Variants in PRKAR1A observed in about 807,000 individuals in gnomAD.
PRKAR1A encodes the protein cAMP-dependent protein kinase type I-alpha regulatory subunit.
A neutral mutation model predicts 52.0 loss-of-function variants in PRKAR1A; 3 were observed. That is an observed-to-expected ratio of 0.06 (90% confidence interval 0.03 to 0.15). The LOEUF is 0.15. PRKAR1A is among the 10% of genes least tolerant of loss of function. PRKAR1A has a pLI of 1.00. For missense variants in PRKAR1A, 240 were observed against 477.4 expected, an observed-to-expected ratio of 0.50 and a Z score of 4.63; for synonymous variants, 188 against 168.4, an observed-to-expected ratio of 1.12 and a Z score of -0.90.
chr17:68,454,856 A>G, the PRKAR1A span, among the ~76,000 whole-genome samples: 1 of 152,198 alleles, frequency 6.6e-6, no homozygotes, highest in African/African-American at 2.4e-5. Context: ...CTGCTCCTGG[A>G]CCAGAAGAAT....
chr17:68,487,035 G>A, the PRKAR1A span, among the ~76,000 whole-genome samples: 146 of 152,064 alleles, frequency 9.6e-4, no homozygotes, highest in Middle Eastern at 3.4e-3. Context: ...CACCGCACCC[G>A]GCTAATTTTT....
At chr17:68,539,871 G>T (rs370751691) in intron 11 of PRKAR1A, 2 of 1,613,008 alleles carry the variant, frequency 1.2e-6, no homozygotes, top group Admixed American at 1.7e-5. Flanking sequence ...TTGAACACAC[G>T]TGGGGAAGCT....
the PRKAR1A span, chr17:68,426,253 G>GGGGCCCCCCCCC: frequency 1.2e-6 from 1 of 841,016 alleles, no homozygotes; most frequent in Non-Finnish European, 1.9e-6. Context: ...GGGGAGCGGG[G>GGGGCCCCCCCCC]GCTCAAATAA....
At chr17:68,539,801 G>A in intron 11 of PRKAR1A, 2 of 1,317,298 alleles carry the variant, frequency 1.5e-6, no homozygotes, top group South Asian at 1.2e-5. Flanking sequence ...TCATTTGCAG[G>A]GCGTCTGTTT....
chr17:68,515,822 A>G (rs2085414680), intron 2 of PRKAR1A: 1 of 510,472 alleles, frequency 2.0e-6, no homozygotes, highest in Non-Finnish European at 3.5e-6. Context: ...TTTCCAAACA[A>G]TTCTTTGTAA....
the PRKAR1A span, among the ~76,000 whole-genome samples, chr17:68,431,104 G>A: frequency 1.3e-5 from 2 of 152,174 alleles, no homozygotes; most frequent in East Asian, 3.8e-4. Flanking sequence ...CCGGGCTGGG[G>A]TTTACAAAGA....
chr17:68,531,401 G>C lies in PRKAR1A; in HGVS notation c.*952G>C. 9.4e-7 allele frequency: 1 copy of C among 1,065,860 alleles called. No homozygotes were observed. Among genetic ancestry groups the C allele is most frequent in the South Asian group, 4.6e-5 (1 of 21,974 alleles). 66.0% of individuals were successfully genotyped at this position (1,065,860 alleles called of 1,614,324 possible). A position where few individuals can be genotyped will look rare whatever the true frequency, so the allele number is the denominator to read the frequency against. On this transcript the variant is annotated 3_prime_UTR_variant, in exon 11 of 11. Transcript: ENST00000589228. ...CTGATTCCAGGAGATTGGATTTGCT[G>C]TGACTAGATACAGATGGAGCAAATG...
At chr17:68,494,409 G>A in the PRKAR1A span, among the ~76,000 whole-genome samples, 1 of 152,132 alleles carries the variant, frequency 6.6e-6, no homozygotes, top group African/African-American at 2.4e-5. Context: ...AGGCATGGTG[G>A]TGGGAGCCTG....
intron 8 of PRKAR1A, 77 bp from the exon 9 acceptor site, chr17:68,528,793 A>G (rs2085872335): frequency 1.9e-6 from 3 of 1,575,680 alleles, no homozygotes; most frequent in Non-Finnish European, 2.6e-6. Context: ...ATTTGGTTGA[A>G]TCTCTTTATA....
In PRKAR1A at chr17:68,527,067, A is replaced by G. The variant is rs2085815219; in HGVS notation, c.709-773A>G. On this transcript the variant is annotated intron_variant, in intron 7 of 10. Transcript: ENST00000589228. ...AGGAATACTATTAGTAAAAGGAAAC[A>G]TAGAATGTTTACAGCTTTATCTCAT... Among the ~76,000 whole-genome samples, 4 of 152,248 alleles carry G rather than the reference A, an allele frequency of 2.6e-5. No homozygotes were observed. In the South Asian group the frequency reaches 8.3e-4, roughly 31 times the overall value.
chr17:68,413,991 C>A, the PRKAR1A span: 7 of 155,088 alleles, frequency 4.5e-5, no homozygotes, highest in Non-Finnish European at 9.9e-5. Flanking sequence ...GGTGCGCGCA[C>A]CCACTGACCT....
At chr17:68,442,730 C>A in the PRKAR1A span, among the ~76,000 whole-genome samples, 43 of 152,310 alleles carry the variant, frequency 2.8e-4, no homozygotes, top group African/African-American at 9.9e-4. Context: ...CCTCTCATTC[C>A]TGATCAGAAG....
rs763921895 is a variant in PRKAR1A at position 68,527,885 on chromosome 17, A to G, written c.754A>G (p.Lys252Glu). 1 of 1,611,822 alleles carries G rather than the reference A, an allele frequency of 6.2e-7. No individual in the cohort carries two copies. The highest frequency in any genetic ancestry group is 8.5e-7 in the Non-Finnish European group (1 of 1,178,132). Residue 252 changes from lysine (K) to glutamate (E), a missense_variant, in exon 8 of 11, where the codon AAA becomes GAA. Lys to Glu is a moderately conservative substitution (Grantham distance 56). Coordinates refer to ENST00000589228, the MANE Select transcript of PRKAR1A (RefSeq NM_002734.5). ...GAAGATGTATGAGGAATTCCTTAGT[A>G]AAGTCTCTATTTTAGGTGAGTTGTA... Reference protein sequence around the residue: ...KRKMYEEFLSKVSILESLDKW... With the variant: ...KRKMYEEFLSEVSILESLDKW...
downstream of PRKAR1A, chr17:68,537,559 G>C (rs761058695): frequency 1.2e-6 from 2 of 1,613,370 alleles, no homozygotes; most frequent in Non-Finnish European, 1.7e-6. This position sits in a 1 kb window ranked among gnomAD's most constrained non-coding sequence, Gnocchi z 4.2. Flanking sequence ...CTGTCCATGG[G>C]CCACTATGCA....
chr17:68,473,615 C>T, the PRKAR1A span, among the ~76,000 whole-genome samples: 6 of 152,164 alleles, frequency 3.9e-5, no homozygotes, highest in South Asian at 2.1e-4. Context: ...CTCTGCCTCC[C>T]GGGTTCAAGC....
the PRKAR1A span, among the ~76,000 whole-genome samples, chr17:68,453,565 G>A: frequency 6.8e-6 from 1 of 146,448 alleles, no homozygotes; most frequent in African/African-American, 2.6e-5. Context: ...TCCAACCTCC[G>A]CCTCCTGGGT....
chr17:68,426,251 G>GGGGGGGGGGGT, the PRKAR1A span: 6 of 825,460 alleles, frequency 7.3e-6, 1 homozygote, highest in Non-Finnish European at 5.8e-6. Context: ...GTGGGGAGCG[G>GGGGGGGGGGGT]GGGCTCAAAT....
chr17:68,420,386 G>A, the PRKAR1A span: 93 of 1,614,060 alleles, frequency 5.8e-5, no homozygotes, highest in Middle Eastern at 1.6e-3. Context: ...CATCTCCAGC[G>A]CAGATTACAC....
the PRKAR1A span, among the ~76,000 whole-genome samples, chr17:68,423,486 G>T: frequency 4.8e-4 from 73 of 152,290 alleles, 1 homozygote; most frequent in East Asian, 1.9e-4. The surrounding 1 kb of genome is among the most constrained non-coding windows in gnomAD (Gnocchi z 4.4). Context: ...TGCACACAGG[G>T]GCTGCTTGAC....
Sources: gnomAD v4.1 joint callset for allele counts (sites outside exome capture counted in the v4.1 genomes callset) on GRCh38, gnomAD v4.1.1 for gene constraint, Gnocchi (gnomAD v3.1) non-coding constraint, MANE v1.5 for transcripts, NCBI Gene and HGNC (gene_info 2026-07-23, HGNC 2026-07-21) for gene names.